The following LMNB1 variants were observed in gnomAD, a reference collection of about 807,000 sequenced individuals.
LMNB1 encodes lamin-B1.
Under a neutral mutation model 67.1 loss-of-function variants are expected in LMNB1, and 23 were observed. The ratio of observed to expected loss-of-function variants is 0.34; its 90% CI spans 0.25 to 0.49. LMNB1 has a LOEUF of 0.49. Among genes scored for constraint, LMNB1 ranks in the 20% least tolerant of loss-of-function variants. The pLI is 0.99. For synonymous variants in LMNB1, 281 were observed against 282.9 expected (o/e 0.99, Z 0.07); for missense variants, 634 against 746.5 (o/e 0.85, Z 1.76).
At chr5:126,832,643 C>A in intron 9 of LMNB1, 51 bp from the exon 10 acceptor site, 1 of 1,308,704 alleles carries the variant, frequency 7.6e-7, no homozygotes, top group Non-Finnish European at 1.1e-6. Flanking sequence ...CTCTCCCCCG[C>A]ATTTGGTGAT....
chr5:126,781,874 C>A (rs1391993366), intron 1 of LMNB1, among the ~76,000 whole-genome samples: 1 of 152,166 alleles, frequency 6.6e-6, no homozygotes, highest in Non-Finnish European at 1.5e-5. Context: ...CCTCAGCAAA[C>A]AAGATACCTT....
At chr5:126,786,755 C>T (rs543899321) in intron 1 of LMNB1, among the ~76,000 whole-genome samples, 15 of 152,188 alleles carry the variant, frequency 9.9e-5, no homozygotes, top group Admixed American at 2.0e-4. Flanking sequence ...ATGTTTTTCA[C>T]GTTGATAGTT....
At position 126,777,338 on chromosome 5, in the gene LMNB1, TA is replaced by T; in HGVS notation, c.-169del. Reference sequence around the variant, plus strand: ...CCGCGCGCCTTTGCCCTTTGTGCTGTAATCGAGCTCCCGCCATCCCAGGTGC... The same window carrying T: ...CCGCGCGCCTTTGCCCTTTGTGCTGTATCGAGCTCCCGCCATCCCAGGTGC... On this transcript the variant is annotated 5_prime_UTR_variant, in exon 1 of 11. Transcript: ENST00000261366. 1 of 653,230 alleles carries T rather than the reference TA, an allele frequency of 1.5e-6. No individual in the cohort carries two copies. Among genetic ancestry groups the T allele is most frequent in the Non-Finnish European group, 2.2e-6 (1 of 462,176 alleles). 40.5% of individuals were successfully genotyped at this position (653,230 alleles called of 1,614,324 possible).
chr5:126,832,512 C>T (rs536417918), intron 9 of LMNB1, among the ~76,000 whole-genome samples, 182 bp from the exon 10 acceptor site: 32 of 152,158 alleles, frequency 2.1e-4, no homozygotes, highest in African/African-American at 7.5e-4. Flanking sequence ...GTTGGTCAGG[C>T]TGGTCTCTAA....
intron 1 of LMNB1, among the ~76,000 whole-genome samples, chr5:126,799,797 A>G (rs989009120): frequency 6.6e-6 from 1 of 152,248 alleles, no homozygotes; most frequent in Non-Finnish European, 1.5e-5. Flanking sequence ...AAGAGTGCAT[A>G]TAAATGCCAC....
intron 1 of LMNB1, among the ~76,000 whole-genome samples, chr5:126,799,138 C>T (rs534917879): frequency 2.0e-5 from 3 of 151,966 alleles, no homozygotes; most frequent in East Asian, 3.9e-4. Flanking sequence ...CCTGCCTCAG[C>T]CTCCCGAGTA....
intron 1 of LMNB1, among the ~76,000 whole-genome samples, chr5:126,803,749 C>T (rs1172117156): frequency 6.6e-6 from 1 of 152,014 alleles, no homozygotes; most frequent in Non-Finnish European, 1.5e-5. Context: ...CGAGGTTTTA[C>T]CATGTTGGCA....
intron 10 of LMNB1, among the ~76,000 whole-genome samples, chr5:126,835,218 C>A (rs966087): frequency 0.66 from 100,709 of 152,008 alleles, 33,495 homozygotes; most frequent in Middle Eastern, 0.71. Context: ...ATCACAGAAA[C>A]TAATGATACC....
chr5:126,808,082 G>C (rs1482633489), intron 3 of LMNB1, among the ~76,000 whole-genome samples: 1 of 152,148 alleles, frequency 6.6e-6, no homozygotes, highest in African/African-American at 2.4e-5. Context: ...ACATTGGCCA[G>C]GCTGGTCTCG....
chr5:126,834,212 C>CTT (rs545249724), intron 10 of LMNB1, among the ~76,000 whole-genome samples: 85 of 145,290 alleles, frequency 5.9e-4, no homozygotes, highest in African/African-American at 2.1e-3. Context: ...TTTCTTTTTT[C>CTT]TTTTTTTTTT....
intron 1 of LMNB1, among the ~76,000 whole-genome samples, chr5:126,780,619 A>G (rs1750609170): frequency 6.6e-6 from 1 of 152,226 alleles, no homozygotes; most frequent in Admixed American, 6.5e-5. Context: ...GTGATTAAGG[A>G]AGGCCTGTCT....
chr5:126,781,937 A>G (rs1693158000), intron 1 of LMNB1, among the ~76,000 whole-genome samples: 1 of 152,206 alleles, frequency 6.6e-6, no homozygotes, highest in South Asian at 2.1e-4. Context: ...AACAGTTTCC[A>G]TGCAGGTGGT....
intron 3 of LMNB1, among the ~76,000 whole-genome samples, chr5:126,809,679 T>C (rs1445000816): frequency 6.8e-6 from 1 of 148,104 alleles, no homozygotes; most frequent in Non-Finnish European, 1.5e-5. Context: ...AGAGTGATAC[T>C]CTATCTCAGA....
intron 7 of LMNB1, among the ~76,000 whole-genome samples, chr5:126,821,712 T>C (rs569990388): frequency 6.6e-6 from 1 of 152,210 alleles, no homozygotes; most frequent in East Asian, 1.9e-4. Context: ...TTTCGGGAGC[T>C]CTGTAGTGTG....
intron 3 of LMNB1, among the ~76,000 whole-genome samples, chr5:126,809,498 C>T (rs995597562): frequency 1.1e-4 from 17 of 151,958 alleles, no homozygotes; most frequent in Admixed American, 1.0e-3. Context: ...ACCAGTCTGG[C>T]CAACATGGGG....
At chr5:126,786,012 TG>T (rs931885355) in intron 1 of LMNB1, among the ~76,000 whole-genome samples, 2 of 150,734 alleles carry the variant, frequency 1.3e-5, no homozygotes, top group East Asian at 2.0e-4. Context: ...AGACTCCCTT[TG>T]GGGGGTGGGG....
intron 1 of LMNB1, among the ~76,000 whole-genome samples, chr5:126,789,073 G>A (rs985230719): frequency 2.6e-5 from 4 of 151,708 alleles, no homozygotes; most frequent in Non-Finnish European, 2.9e-5. Flanking sequence ...TTTTTTGTGG[G>A]GAGAGGGTTT....
rs747836126 is a variant in LMNB1, at chr5:126,826,069, G to A, written c.1573G>A (p.Glu525Lys). The A allele has an allele frequency of 9.3e-6, 15 of 1,613,900 alleles. No individual in the cohort carries two copies. The highest frequency in any genetic ancestry group is 1.6e-4 in the Middle Eastern group (1 of 6,084). The stretch of plus-strand genomic sequence containing the variant: ...GAACCAGAACTCGTGGGGCACTGGC[G>A]AAGATGTGAAGGTTATATTGAAAAA... ...WKNQNSWGTGEDVKVILKNSQ... is the reference protein window; with the variant it reads ...WKNQNSWGTGKDVKVILKNSQ... Residue 525 changes from glutamate (E) to lysine (K), a missense_variant, in exon 9 of 11, where the codon GAA (glutamate) becomes AAA (lysine). Transcript: ENST00000261366.
intron 1 of LMNB1, among the ~76,000 whole-genome samples, chr5:126,778,666 C>T (rs1750546632): frequency 6.6e-6 from 1 of 152,156 alleles, no homozygotes; most frequent in Non-Finnish European, 1.5e-5. Flanking sequence ...TCACGGCTAC[C>T]GTTCTTAGAA....
Sources: gnomAD v4.1 joint callset for allele counts (sites outside exome capture counted in the v4.1 genomes callset) on GRCh38, gnomAD v4.1.1 for gene constraint, MANE v1.5 for transcripts, NCBI Gene and HGNC (gene_info 2026-07-23, HGNC 2026-07-21) for gene names.